TAS1R2: variants seen among roughly 807,000 people sequenced by gnomAD.
TAS1R2 encodes the protein taste 1 receptor member 2.
A neutral mutation model predicts 49.3 loss-of-function variants in TAS1R2; 47 were observed. The ratio of observed to expected loss-of-function variants is 0.95; its 90% CI spans 0.75 to 1.22. The LOEUF (loss-of-function observed/expected upper bound fraction) is 1.22, where lower values mean the gene tolerates loss of function less well. TAS1R2 is among the 50% of genes most tolerant of loss of function. TAS1R2 has a pLI of 0.00. For synonymous variants in TAS1R2, 479 were observed against 467.9 expected, an observed-to-expected ratio of 1.02 and a Z score of -0.31; for missense variants, 1,155 against 1,122.1, an observed-to-expected ratio of 1.03 and a Z score of -0.42.
chr1:18,848,465 G>C (rs560101694), intron 4 of TAS1R2, among the ~76,000 whole-genome samples: 3 of 152,044 alleles, frequency 2.0e-5, no homozygotes, highest in Non-Finnish European at 2.9e-5. Flanking sequence ...ACCCCAGACT[G>C]TATACCCACG....
Position 18,854,093 on chromosome 1 carries a change from G to T in TAS1R2, c.1257+120C>A, listed in dbSNP as rs1934080624. 3 of 963,530 alleles carry T rather than the reference G, an allele frequency of 3.1e-6. No homozygotes were observed. Among genetic ancestry groups the T allele is most frequent in the Non-Finnish European group, 4.5e-6 (3 of 659,586 alleles). The allele number at this position is 963,530 out of a possible 1,614,324, so 59.7% of individuals were successfully genotyped here. ...AGCAATTTTGTTTTGGCACCAGGAA[G>T]GACTAGTGCTATGTGTCTGGAAGAA... On this transcript the variant is annotated intron_variant, in intron 3 of 5. Transcript: ENST00000375371. The surrounding 1 kb of genome is among the most constrained non-coding windows in gnomAD (Gnocchi z 4.9).
rs371767994 is a variant in TAS1R2 at position 18,854,606 on chromosome 1, C to G, written c.864G>C (p.Val288=). The stretch of plus-strand genomic sequence containing the variant: ...CGGCGCCAGTGAAGTTCTGGCGCAG[C>G]ACCTCATTGAAGAAGTGGTACAGGG... Residue 288 remains valine (V), a synonymous_variant, in exon 3 of 6, where the codon GTG becomes GTC. Coordinates refer to ENST00000375371, the Ensembl canonical transcript of TAS1R2. The surrounding 1 kb of genome is among the most constrained non-coding windows in gnomAD (Gnocchi z 4.9). 2.7e-5 allele frequency: 44 copies of G among 1,613,940 alleles called. No individual in the cohort carries two copies. The highest frequency in any genetic ancestry group is 3.4e-5 in the Non-Finnish European group (40 of 1,180,004).
chr1:18,847,134 C>T (rs964115913), intron 4 of TAS1R2, among the ~76,000 whole-genome samples: 1 of 152,174 alleles, frequency 6.6e-6, no homozygotes, highest in African/African-American at 2.4e-5. Context: ...CCTCTTTTCT[C>T]TATAAATTAC....
At chr1:18,839,798 A>G in exon 6 of TAS1R2, 2 of 1,614,190 alleles carry the variant, frequency 1.2e-6, no homozygotes, top group Non-Finnish European at 1.7e-6. Context: ...GCAGAGGGAG[A>G]CGGATGAGGT....
At chr1:18,839,870 T>A in exon 6 of TAS1R2, 6 of 1,614,198 alleles carry the variant, frequency 3.7e-6, no homozygotes, top group Non-Finnish European at 5.1e-6. Flanking sequence ...GGGCAGCTCT[T>A]TGCCCATGTA....
chr1:18,851,101 C>T (rs1257196452), intron 3 of TAS1R2, among the ~76,000 whole-genome samples: 1 of 152,154 alleles, frequency 6.6e-6, no homozygotes, highest in East Asian at 1.9e-4. Context: ...GATTCCATTC[C>T]AGGTATGATA....
At chr1:18,847,120 G>T (rs7513755) in intron 4 of TAS1R2, among the ~76,000 whole-genome samples, 127,416 of 152,132 alleles carry the variant, frequency 0.84, 53,674 homozygotes, top group East Asian at 0.88. Flanking sequence ...GTATGCCCAT[G>T]CAACCTCTTT....
At chr1:18,840,943 G>GGGTTCC (rs1933813440) in intron 5 of TAS1R2, among the ~76,000 whole-genome samples, 1 of 152,162 alleles carries the variant, frequency 6.6e-6, no homozygotes, top group African/African-American at 2.4e-5. Context: ...ACCTGGGGTG[G>GGGTTCC]AAGGCCACAG....
exon 1 of TAS1R2, chr1:18,859,540 G>A: frequency 6.2e-7 from 1 of 1,614,220 alleles, no homozygotes; most frequent in Non-Finnish European, 8.5e-7. Flanking sequence ...TTGGCATGGA[G>A]GGAGAAGAGG....
chr1:18,849,966 C>A (rs1314101439), intron 3 of TAS1R2, among the ~76,000 whole-genome samples: 1 of 152,168 alleles, frequency 6.6e-6, no homozygotes, highest in Non-Finnish European at 1.5e-5. Flanking sequence ...CTGGAAGTCA[C>A]CTCAGTCATC....
At chr1:18,859,571 A>G (rs1330660884) in exon 1 of TAS1R2, 2 of 1,614,254 alleles carry the variant, frequency 1.2e-6, no homozygotes, top group Admixed American at 1.7e-5. Flanking sequence ...GGTAATCCCC[A>G]GGCAGGTAGA....
chr1:18,841,227 G>A (rs1378301966), intron 5 of TAS1R2, among the ~76,000 whole-genome samples: 1 of 152,218 alleles, frequency 6.6e-6, no homozygotes. Context: ...GTTCTATAGG[G>A]AGAAATGATC....
chr1:18,851,339 T>TG (rs1934020672), intron 3 of TAS1R2, among the ~76,000 whole-genome samples: 1 of 152,036 alleles, frequency 6.6e-6, no homozygotes, highest in African/African-American at 2.4e-5. Context: ...TGTTTTGCTT[T>TG]TTTTTTAAGA....
intron 4 of TAS1R2, among the ~76,000 whole-genome samples, chr1:18,842,250 T>C (rs1933843630): frequency 6.6e-6 from 1 of 152,166 alleles, no homozygotes; most frequent in South Asian, 2.1e-4. Context: ...GGGCACAGGC[T>C]TACTGAAAGA....
chr1:18,854,847 A>C lies in TAS1R2; in HGVS notation c.623T>G (p.Val208Gly). ...GCCATAGGTGTCGCTGCTCACCAGC[A>C]CAATGATCCAGTTCCAGCGGAAGTG... Residue 208 changes from valine (V) to glycine (G), a missense_variant, in exon 3 of 6, where the codon GTG becomes GGG. Val to Gly is a moderately radical substitution (Grantham distance 109). Coordinates refer to ENST00000375371, the Ensembl canonical transcript of TAS1R2. This position sits in a 1 kb window ranked among gnomAD's most constrained non-coding sequence, Gnocchi z 4.9. The C allele has an allele frequency of 6.2e-7, 1 of 1,610,260 alleles. No individual in the cohort carries two copies. Among genetic ancestry groups the C allele is most frequent in the African/African-American group, 1.3e-5 (1 of 75,046 alleles).
chr1:18,857,214 G>C (rs935884011), intron 2 of TAS1R2, 117 bp downstream of exon 2: 1 of 1,194,574 alleles, frequency 8.4e-7, no homozygotes. Context: ...TCCTGACCCT[G>C]CTTCTGGTCC....
At chr1:18,844,685 C>T (rs4131265) in intron 4 of TAS1R2, among the ~76,000 whole-genome samples, 22,070 of 151,936 alleles carry the variant, frequency 0.15, 1,922 homozygotes, top group East Asian at 0.44. Context: ...TCCCTGGGGG[C>T]GGAGGTTGCA....
chr1:18,847,496 A>C (rs28477555), intron 4 of TAS1R2, among the ~76,000 whole-genome samples: 9 of 152,172 alleles, frequency 5.9e-5, no homozygotes, highest in African/African-American at 2.2e-4. Context: ...GTACCTCTGC[A>C]ACTGGGGATA....
exon 2 of TAS1R2, chr1:18,857,483 C>A (rs1415058107): frequency 1.2e-6 from 2 of 1,614,204 alleles, no homozygotes; most frequent in South Asian, 2.2e-5. Flanking sequence ...AAGTAGAGCA[C>A]CGGCTGGACA....
Sources: gnomAD v4.1 joint callset for allele counts (sites outside exome capture counted in the v4.1 genomes callset) on GRCh38, gnomAD v4.1.1 for gene constraint, Gnocchi (gnomAD v3.1) non-coding constraint, MANE v1.5 for transcripts, NCBI Gene and HGNC (gene_info 2026-07-23, HGNC 2026-07-21) for gene names.